The following ITGA11 variants were observed in gnomAD, a reference collection of about 807,000 sequenced individuals.
ITGA11 encodes integrin alpha-11.
Under a neutral mutation model 141.9 loss-of-function variants are expected in ITGA11, and 97 were observed. The ratio of observed to expected loss-of-function variants is 0.68; its 90% CI spans 0.58 to 0.81. The LOEUF (loss-of-function observed/expected upper bound fraction) is 0.81. Ranked by LOEUF, ITGA11 falls within the 30% of genes least tolerant of loss-of-function variation. The probability of loss-of-function intolerance (pLI) is 0.00; values close to 1 mark genes in which losing one functional copy is unlikely to be tolerated. For synonymous variants in ITGA11, 658 were observed against 624.6 expected, an observed-to-expected ratio of 1.05 and a Z score of -0.80; for missense variants, 1,387 against 1,559.2, an observed-to-expected ratio of 0.89 and a Z score of 1.86.
chr15:68,389,292 C>T (rs781444184), intron 2 of ITGA11, among the ~76,000 whole-genome samples: 9 of 152,222 alleles, frequency 5.9e-5, no homozygotes, highest in African/African-American at 1.4e-4. Flanking sequence ...TGTGAACATA[C>T]GCCTTCTGTT....
intron 3 of ITGA11, chr15:68,365,010 CCAAA>C (rs3084641): frequency 0.96 from 495,707 of 516,130 alleles, 238,637 homozygotes; most frequent in East Asian, 0.98. Flanking sequence ...CTCAGAGAGG[CCAAA>C]CAACCTGCCC....
intron 25 of ITGA11, 24 bp from the exon 26 acceptor site, chr15:68,311,104 A>G (rs201838249): frequency 6.5e-7 from 1 of 1,550,306 alleles, no homozygotes. Flanking sequence ...ATGGACACAC[A>G]CACACATACA....
At chr15:68,310,372 T>C (rs1308820590) in intron 26 of ITGA11, among the ~76,000 whole-genome samples, 6 of 152,146 alleles carry the variant, frequency 3.9e-5, no homozygotes, top group Non-Finnish European at 7.3e-5. Context: ...AGTAAGTGCT[T>C]TGTGGGAGGT....
chr15:68,320,476 G>A (rs1893767304), intron 19 of ITGA11, 84 bp from the exon 20 acceptor site: 2 of 1,155,148 alleles, frequency 1.7e-6, no homozygotes. Context: ...GGGGCAAAAA[G>A]GTGGGTCTGG....
At chr15:68,350,535 G>T in intron 9 of ITGA11, 82 bp downstream of exon 9, 1 of 1,355,528 alleles carries the variant, frequency 7.4e-7, no homozygotes, top group Non-Finnish European at 1.0e-6. Flanking sequence ...ATTTCGTTTT[G>T]TGGGATTGGT....
At chr15:68,314,370 G>T (rs1009973274) in intron 22 of ITGA11, among the ~76,000 whole-genome samples, 1 of 152,128 alleles carries the variant, frequency 6.6e-6, no homozygotes, top group African/African-American at 2.4e-5. Flanking sequence ...CAAGAAGGCT[G>T]GGAGTGAAAT....
chr15:68,347,140 A>C (rs1423728849), intron 10 of ITGA11, among the ~76,000 whole-genome samples: 2 of 152,188 alleles, frequency 1.3e-5, no homozygotes, highest in African/African-American at 2.4e-5. Context: ...CTGACGTCAG[A>C]GTCTGGAGAC....
intron 1 of ITGA11, among the ~76,000 whole-genome samples, chr15:68,403,447 G>A (rs1424593647): frequency 1.3e-5 from 2 of 152,054 alleles, no homozygotes; most frequent in East Asian, 3.9e-4. Context: ...GTTTAAGAGT[G>A]TGGGGCCTCC....
chr15:68,349,794 C>T (rs527776004), intron 9 of ITGA11, among the ~76,000 whole-genome samples: 1 of 152,116 alleles, frequency 6.6e-6, no homozygotes, highest in African/African-American at 2.4e-5. Context: ...AAGGACTCTG[C>T]CCAAAATAAA....
chr15:68,402,042 G>T (rs1462603408), intron 2 of ITGA11, among the ~76,000 whole-genome samples: 1 of 151,308 alleles, frequency 6.6e-6, no homozygotes, highest in African/African-American at 2.4e-5. Flanking sequence ...CAAGTAAGGG[G>T]GTGCGGGGAG....
Position 68,359,678 on chromosome 15 carries a change from A to C in ITGA11, c.473-1093T>G, listed in dbSNP as rs536489814. 4.9e-3 allele frequency among the ~76,000 whole-genome samples: 746 copies of C among 152,262 alleles called. 7 individuals carry two copies. The highest frequency in any genetic ancestry group is 0.017 in the African/African-American group (714 of 41,544). On this transcript the variant is annotated intron_variant, in intron 5 of 29. Coordinates refer to ENST00000315757, the MANE Select transcript of ITGA11 (RefSeq NM_001004439.2). ...AACAAAACAAAACAAACAAATAAAA[A>C]AAAAACTAAATTAAAAGGAATAATG...
Position 68,298,268 on chromosome 15 carries a change from T to C in ITGA11, c.*4791A>G, listed in dbSNP as rs1407224545. ...ATTATATTTTCTAATTTGCCTGTGC[T>C]TTAGAAATTTGGTGTGCTCAGTCCA... is the stretch of plus-strand genomic sequence containing the variant. On this transcript the variant is annotated 3_prime_UTR_variant, in exon 30 of 30. Coordinates refer to ENST00000315757, the MANE Select transcript of ITGA11 (RefSeq NM_001004439.2). 6.6e-6 allele frequency: 1 copy of C among 152,180 alleles called. No individual in the cohort carries two copies. The highest frequency in any genetic ancestry group is 6.5e-5 in the Admixed American group (1 of 15,286). The allele number at this position is 152,180 out of a possible 1,614,324, so 9.4% of individuals were successfully genotyped here. A position where few individuals can be genotyped will look rare whatever the true frequency, so the allele number is the denominator to read the frequency against.
Position 68,303,032 on chromosome 15 carries a change from C to T in ITGA11, c.*27G>A, listed in dbSNP as rs1307349699. The T allele has an allele frequency of 2.0e-6, 3 of 1,534,106 alleles. No homozygotes were observed. In the South Asian group the frequency reaches 3.6e-5, roughly 18 times the overall value. ...CTACCTGGACTGGTGTCCTGGCCCC[C>T]ATCAACTCAAAGTCTCCTCTGGAGC... On this transcript the variant is annotated 3_prime_UTR_variant, in exon 30 of 30. Coordinates refer to ENST00000315757, the MANE Select transcript of ITGA11 (RefSeq NM_001004439.2). The surrounding 1 kb of genome is among the most constrained non-coding windows in gnomAD (Gnocchi z 5.3).
chr15:68,338,596 T>C (rs919746192), intron 11 of ITGA11, among the ~76,000 whole-genome samples: 1 of 152,196 alleles, frequency 6.6e-6, no homozygotes, highest in Non-Finnish European at 1.5e-5. Context: ...GAGGGTCCCA[T>C]GGTTGGGGAT....
At position 68,336,887 on chromosome 15, in the gene ITGA11, C is replaced by T. The variant is rs1334834215; in HGVS notation, c.1277-1042G>A. 3.9e-5 allele frequency among the ~76,000 whole-genome samples: 6 copies of T among 152,204 alleles called. No individual in the cohort carries two copies. The East Asian group carries it at 5.8e-4, about 15-fold the overall frequency. ...GCTATAGGGTGTACAGATGAGCTGA[C>T]TCAGTGCCTGGGGGTGAACTGCTCT... On this transcript the variant is annotated intron_variant, in intron 11 of 29. Transcript: ENST00000315757.
chr15:68,330,042 C>T (rs1005946113), intron 15 of ITGA11, among the ~76,000 whole-genome samples: 19 of 152,226 alleles, frequency 1.2e-4, no homozygotes, highest in Non-Finnish European at 2.6e-4. Context: ...AAGAGCAGCA[C>T]GCGTGGTGAG....
Position 68,331,107 on chromosome 15 carries a change from AT to A in ITGA11, c.1774del (p.Ile592SerfsTer40). On this transcript the variant is annotated frameshift_variant, in exon 15 of 30. Coordinates refer to ENST00000315757, the MANE Select transcript of ITGA11 (RefSeq NM_001004439.2). LOFTEE classifies it high-confidence loss of function. Reference sequence around the variant, plus strand: ...GCCGGTAGCCAGCTCTGAGGCTGTGATTCTCTGCAGGGCGCGGGAAGAGAGG... The same window carrying A: ...GCCGGTAGCCAGCTCTGAGGCTGTGATCTCTGCAGGGCGCGGGAAGAGAGG... ...GSILKTPKQR[I>X]TASELATGLQ... The A allele has an allele frequency of 6.6e-7, 1 of 1,514,580 alleles. No homozygotes were observed. The highest frequency in any genetic ancestry group is 8.9e-7 in the Non-Finnish European group (1 of 1,120,316). The allele number at this position is 1,514,580 out of a possible 1,614,324, so 93.8% of individuals were successfully genotyped here.
chr15:68,360,933 G>A (rs958667734), intron 5 of ITGA11, among the ~76,000 whole-genome samples: 1 of 152,080 alleles, frequency 6.6e-6, no homozygotes, highest in African/African-American at 2.4e-5. Flanking sequence ...TCCATAAAAC[G>A]GGCAGCAGCT....
intron 1 of ITGA11, among the ~76,000 whole-genome samples, chr15:68,411,421 G>A (rs1217140157): frequency 2.0e-5 from 3 of 152,168 alleles, no homozygotes; most frequent in African/African-American, 7.2e-5. Context: ...ACTGATTGGT[G>A]GCTCCCTGAT....
Sources: allele counts gnomAD v4.1 joint callset (sites outside exome capture counted in the v4.1 genomes callset), GRCh38; gene constraint gnomAD v4.1.1; non-coding constraint Gnocchi (gnomAD v3.1); transcripts MANE v1.5; gene names NCBI Gene and HGNC (gene_info 2026-07-23, HGNC 2026-07-21).